Variants in NAALADL2 observed in about 807,000 individuals in gnomAD.
The protein encoded by NAALADL2 is N-acetylated alpha-linked acidic dipeptidase like 2, also known as inactive N-acetylated-alpha-linked acidic dipeptidase-like protein 2.
A neutral mutation model predicts 87.2 loss-of-function variants in NAALADL2; 76 were observed. The observed-to-expected ratio is 0.87, with a 90% CI of 0.72 to 1.05. The LOEUF (loss-of-function observed/expected upper bound fraction) is 1.05, where lower values mean the gene tolerates loss of function less well. NAALADL2 is among the 50% of genes least tolerant of loss of function. The pLI, the probability that NAALADL2 is intolerant of heterozygous loss-of-function variation, is 0.00. For missense variants in NAALADL2, 1,089 were observed against 945.8 expected (o/e 1.15, Z -1.99); for synonymous variants, 354 against 331.0 (o/e 1.07, Z -0.75).
At chr3:175,794,826 C>T (rs1201287364) in intron 13 of NAALADL2, among the ~76,000 whole-genome samples, 1 of 152,200 alleles carries the variant, frequency 6.6e-6, no homozygotes, top group Non-Finnish European at 1.5e-5. Flanking sequence ...ATAGTCAACT[C>T]AGGCTGCCTG....
intron 13 of NAALADL2, among the ~76,000 whole-genome samples, chr3:175,793,672 A>G (rs542523058): frequency 6.6e-6 from 1 of 152,262 alleles, no homozygotes; most frequent in South Asian, 2.1e-4. Context: ...AAAATTTTAT[A>G]AAACATAAAA....
At chr3:175,677,230 G>A (rs945643954) in intron 11 of NAALADL2, among the ~76,000 whole-genome samples, 1 of 152,016 alleles carries the variant, frequency 6.6e-6, no homozygotes, top group Non-Finnish European at 1.5e-5. Flanking sequence ...GAGCGTGGTG[G>A]TGTGCGCCTG....
In NAALADL2 at chr3:174,692,312, T is replaced by A. The variant is rs143185216; in HGVS notation, c.-114-45329T>A. Reference sequence around the variant, plus strand: ...TCTTGTTTATGATTGTTTTAACTATTTGGGTTTCCATGTAAATTTTTGGAT... The same window carrying A: ...TCTTGTTTATGATTGTTTTAACTATATGGGTTTCCATGTAAATTTTTGGAT... On this transcript the variant is annotated intron_variant, in intron 2 of 3. Coordinates refer to the NAALADL2 transcript ENST00000434257. Among the ~76,000 whole-genome samples the A allele has an allele frequency of 2.9e-3, 438 of 152,324 alleles. 9 individuals carry two copies. Among genetic ancestry groups the A allele is most frequent in the Admixed American group, 0.024 (362 of 15,300 alleles).
intron 1 of NAALADL2, among the ~76,000 whole-genome samples, chr3:174,442,531 A>G (rs929921551): frequency 6.6e-6 from 1 of 152,200 alleles, no homozygotes; most frequent in Non-Finnish European, 1.5e-5. Context: ...TAGGACGACT[A>G]ACAAGAATGA....
chr3:175,013,602 A>T (rs1227174862), intron 1 of NAALADL2, among the ~76,000 whole-genome samples: 1 of 151,724 alleles, frequency 6.6e-6, no homozygotes, highest in Non-Finnish European at 1.5e-5. Context: ...CCAGGCCACA[A>T]ATTTGTTTGA....
At chr3:174,802,008 C>T (rs2109254033) in intron 3 of NAALADL2, among the ~76,000 whole-genome samples, 1 of 152,058 alleles carries the variant, frequency 6.6e-6, no homozygotes. Flanking sequence ...TATTTTTACC[C>T]ACATTTTAAA....
rs772447340 is a variant in NAALADL2, at chr3:174,794,981, C to CTTTTTTTTTTTTTTTTTTTT, written c.-9+57243_-9+57262dup. 5.1e-4 allele frequency among the ~76,000 whole-genome samples: 34 copies of CTTTTTTTTTTTTTTTTTTTT among 66,706 alleles called. 5 individuals are homozygous for CTTTTTTTTTTTTTTTTTTTT. Among genetic ancestry groups the CTTTTTTTTTTTTTTTTTTTT allele is most frequent in the Non-Finnish European group, 7.2e-4 (26 of 36,340 alleles). The allele number at this position is 66,706 out of a possible 152,430, so 43.8% of individuals were successfully genotyped here. A position where few individuals can be genotyped will look rare whatever the true frequency, so the allele number is the denominator to read the frequency against. On this transcript the variant is annotated intron_variant, in intron 3 of 3. Transcript: ENST00000434257. Reference sequence around the variant, plus strand: ...TTAAAAGTTGAAACTTCTAGTCCAGCTTTTTTTTTTTTTTTTTTTTTTTTT... The same window carrying CTTTTTTTTTTTTTTTTTTTT: ...TTAAAAGTTGAAACTTCTAGTCCAGCTTTTTTTTTTTTTTTTTTTTTTTTTTTTTTTTTTTTTTTTTTTTT...
intron 11 of NAALADL2, among the ~76,000 whole-genome samples, chr3:175,651,840 C>A (rs1730804874): frequency 6.6e-6 from 1 of 152,134 alleles, no homozygotes; most frequent in Non-Finnish European, 1.5e-5. Context: ...CCAATGTGTG[C>A]CAGTCATTTT....
At chr3:174,991,109 G>T (rs1006387963) in intron 1 of NAALADL2, among the ~76,000 whole-genome samples, 1 of 151,930 alleles carries the variant, frequency 6.6e-6, no homozygotes, top group African/African-American at 2.4e-5. Flanking sequence ...TTGATATTTA[G>T]CTTTGTGGCA....
intron 10 of NAALADL2, among the ~76,000 whole-genome samples, chr3:175,607,903 A>ACACACACACG (rs1319085999): frequency 3.4e-5 from 2 of 58,192 alleles, no homozygotes; most frequent in East Asian, 8.9e-4. Context: ...CATGGAACAC[A>ACACACACACG]CACACACACG....
chr3:175,609,150 C>A (rs1724216627), intron 10 of NAALADL2, among the ~76,000 whole-genome samples: 1 of 151,930 alleles, frequency 6.6e-6, no homozygotes, highest in Admixed American at 6.6e-5. Context: ...AGTGACAGGT[C>A]TATTGGCCCA....
intron 10 of NAALADL2, among the ~76,000 whole-genome samples, chr3:175,626,821 G>A (rs559400427): frequency 1.3e-5 from 2 of 151,736 alleles, no homozygotes; most frequent in Non-Finnish European, 3.0e-5. Context: ...TCTACACTCA[G>A]TATACTTCTA....
chr3:174,747,841 A>G (rs886675188), intron 3 of NAALADL2, among the ~76,000 whole-genome samples: 2 of 152,154 alleles, frequency 1.3e-5, no homozygotes, highest in Non-Finnish European at 2.9e-5. Context: ...AAATCATTCT[A>G]TTATAAAGAT....
chr3:174,893,668 A>G (rs1476384058), intron 1 of NAALADL2, among the ~76,000 whole-genome samples: 1 of 152,192 alleles, frequency 6.6e-6, no homozygotes. Context: ...ATAAAATAGT[A>G]TTTGCAAGCC....
At chr3:175,778,579 C>T (rs1489140334) in intron 13 of NAALADL2, among the ~76,000 whole-genome samples, 1 of 152,164 alleles carries the variant, frequency 6.6e-6, no homozygotes, top group Non-Finnish European at 1.5e-5. Flanking sequence ...AAAATGCAAA[C>T]ATCTCAAATA....
At chr3:175,712,339 T>C (rs1415434535) in intron 11 of NAALADL2, among the ~76,000 whole-genome samples, 1 of 152,062 alleles carries the variant, frequency 6.6e-6, no homozygotes, top group African/African-American at 2.4e-5. Context: ...ATGTAATCCA[T>C]GTAAAAGGGG....
intron 10 of NAALADL2, among the ~76,000 whole-genome samples, chr3:175,625,685 G>A (rs572523441): frequency 5.0e-4 from 76 of 152,060 alleles, no homozygotes; most frequent in Admixed American, 2.3e-3. Context: ...AGTGTCGGCC[G>A]TAGCCTCAAA....
intron 1 of NAALADL2, among the ~76,000 whole-genome samples, chr3:174,888,658 A>G (rs1452177344): frequency 2.0e-5 from 3 of 152,236 alleles, no homozygotes; most frequent in African/African-American, 4.8e-5. Flanking sequence ...TATTTTATCA[A>G]GCTTATCAAC....
intron 1 of NAALADL2, among the ~76,000 whole-genome samples, chr3:174,509,455 G>A (rs1719446927): frequency 6.9e-6 from 1 of 144,938 alleles, no homozygotes; most frequent in Admixed American, 7.1e-5. Flanking sequence ...AGGCTAGAGT[G>A]CAGTGGCATG....
Sources: allele counts gnomAD v4.1 joint callset (sites outside exome capture counted in the v4.1 genomes callset), GRCh38; gene constraint gnomAD v4.1.1; transcripts MANE v1.5; gene names NCBI Gene and HGNC (gene_info 2026-07-23, HGNC 2026-07-21).